Variants in PCDHA7 observed in about 807,000 individuals in gnomAD.
PCDHA7 encodes protocadherin alpha 7, also known as protocadherin alpha-7.
A neutral mutation model predicts 57.2 loss-of-function variants in PCDHA7; 37 were observed. The ratio of observed to expected loss-of-function variants is 0.65; its 90% CI spans 0.50 to 0.85. The LOEUF (loss-of-function observed/expected upper bound fraction) is 0.85. PCDHA7 is among the 40% of genes least tolerant of loss of function. The probability of loss-of-function intolerance (pLI) is 0.00; values close to 1 mark genes in which losing one functional copy is unlikely to be tolerated. For synonymous variants in PCDHA7, 553 were observed against 558.8 expected, an observed-to-expected ratio of 0.99 and a Z score of 0.15; for missense variants, 1,188 against 1,241.8, an observed-to-expected ratio of 0.96 and a Z score of 0.65.
In PCDHA7 at chr5:140,869,649, A is replaced by G. The variant is rs1446407712; in HGVS notation, c.2355+32911A>G. ...AAAATGAGTATTTTTCTTTAGATTC[A>G]CCAACAAATGGTAAGCAGATTAAAA... On this transcript the variant is annotated intron_variant, in intron 1 of 3. Transcript: ENST00000525929. 4.3e-6 allele frequency: 7 copies of G among 1,613,476 alleles called. No individual in the cohort carries two copies. In the African/African-American group the frequency reaches 6.7e-5, roughly 15 times the overall value.
At position 140,836,531 on chromosome 5, in the gene PCDHA7, G is replaced by A; in HGVS notation, c.2148G>A (p.Leu716=). Residue 716 remains leucine (L), a synonymous_variant, in exon 1 of 4, where the codon CTG becomes CTA. Coordinates refer to ENST00000525929, the MANE Select transcript of PCDHA7 (RefSeq NM_018910.3). The part of the protein sequence containing the change: ...AVSSLLVLTL[L]LYTALRCSAP... ...CCAGTCTGTTGGTGCTTACCCTGCT[G>A]CTGTACACGGCGTTGCGGTGCTCAG... 1.2e-6 allele frequency: 2 copies of A among 1,613,844 alleles called. No individual in the cohort carries two copies. The highest frequency in any genetic ancestry group is 2.2e-5 in the South Asian group (2 of 91,078).
chr5:140,891,569 CAT>C (rs59481749), intron 1 of PCDHA7, among the ~76,000 whole-genome samples: 3,590 of 152,218 alleles, frequency 0.024, 138 homozygotes, highest in African/African-American at 0.082. Flanking sequence ...TCTAATTAAA[CAT>C]ATTTTAATCT....
chr5:140,968,744 G>A (rs782484391), intron 1 of PCDHA7: 20 of 1,614,164 alleles, frequency 1.2e-5, no homozygotes, highest in East Asian at 2.2e-5. Context: ...CAACCTGACC[G>A]TGGTGGTCCG....
intron 1 of PCDHA7, chr5:140,927,529 C>A: frequency 6.2e-7 from 1 of 1,614,098 alleles, no homozygotes; most frequent in South Asian, 1.1e-5. Flanking sequence ...GCTACCTGCC[C>A]GCTCAGGAGA....
chr5:140,850,513 G>T lies in PCDHA7; in HGVS notation c.2355+13775G>T, dbSNP rs2150487190. The stretch of plus-strand genomic sequence containing the variant: ...GTGCTGGTGTCGCTGGTGGAGAGCG[G>T]CCAGGCGCCAAAGTCATCGTCGCGG... On this transcript the variant is annotated intron_variant, in intron 1 of 3. Transcript: ENST00000525929. The T allele has an allele frequency of 3.1e-6, 5 of 1,598,108 alleles. No homozygotes were observed. In the East Asian group the frequency reaches 1.1e-4, roughly 36 times the overall value.
intron 1 of PCDHA7, chr5:140,850,349 G>T (rs1554144220): frequency 1.9e-6 from 3 of 1,597,844 alleles, no homozygotes; most frequent in Non-Finnish European, 2.6e-6. Flanking sequence ...CGGCCAGCGC[G>T]AGCATCCCGT....
chr5:140,876,120 T>C (rs782687154), intron 1 of PCDHA7: 15 of 1,613,844 alleles, frequency 9.3e-6, no homozygotes, highest in East Asian at 6.7e-5. Context: ...TGGTAATCGA[T>C]GGCGGTAAAC....
At chr5:140,882,137 A>G in intron 1 of PCDHA7, 1 of 1,489,212 alleles carries the variant, frequency 6.7e-7, no homozygotes. Flanking sequence ...CCTGCAGAAA[A>G]TATAGCAGAA....
chr5:140,850,762 A>T, intron 1 of PCDHA7: 1 of 1,598,020 alleles, frequency 6.3e-7, no homozygotes, highest in South Asian at 1.1e-5. Context: ...CAGAGGAGGC[A>T]GAGGGTGTGC....
chr5:140,967,415 C>T, intron 1 of PCDHA7: 1 of 1,613,142 alleles, frequency 6.2e-7, no homozygotes, highest in African/African-American at 1.3e-5. Flanking sequence ...GGGCCTAGAC[C>T]GGGAGCAGGC....
In PCDHA7 at chr5:141,011,530, T is replaced by C. The variant is rs1427621980; in HGVS notation, c.*1593T>C. 7 of 153,810 alleles carry C rather than the reference T, an allele frequency of 4.6e-5. No individual in the cohort carries two copies. The highest frequency in any genetic ancestry group is 1.7e-4 in the African/African-American group (7 of 41,470). The allele number at this position is 153,810 out of a possible 1,614,324, so 9.5% of individuals were successfully genotyped here. Reference sequence around the variant, plus strand: ...TGGAGTAGTGTTTTTTTAACCATTGTTAATCAGCTTTTGTGTATGAAAGAC... The same window carrying C: ...TGGAGTAGTGTTTTTTTAACCATTGCTAATCAGCTTTTGTGTATGAAAGAC... On this transcript the variant is annotated 3_prime_UTR_variant, in exon 4 of 4. Transcript: ENST00000525929.
chr5:140,966,454 C>A (rs897696652), intron 1 of PCDHA7: 2 of 426,524 alleles, frequency 4.7e-6, no homozygotes, highest in Non-Finnish European at 8.1e-6. Flanking sequence ...TCCCCCTCCC[C>A]CTCTGTCTTC....
chr5:140,860,129 G>GTGTGTATATATATGTATATA (rs1554153065), intron 1 of PCDHA7: 1 of 150,592 alleles, frequency 6.6e-6, no homozygotes, highest in Non-Finnish European at 1.5e-5. Context: ...TACTGTGTGT[G>GTGTGTATATATATGTATATA]TGTGTATATA....
At chr5:140,881,235 T>C (rs2058632833) in intron 1 of PCDHA7, 1 of 352,648 alleles carries the variant, frequency 2.8e-6, no homozygotes, top group South Asian at 1.1e-4. Context: ...TTAAAGTCAA[T>C]TTAAATGACG....
intron 3 of PCDHA7, among the ~76,000 whole-genome samples, chr5:140,990,378 T>G (rs1554251448): frequency 6.6e-6 from 1 of 152,128 alleles, no homozygotes; most frequent in African/African-American, 2.4e-5. Context: ...GCAAATTTGT[T>G]GGTGATGTTC....
intron 1 of PCDHA7, chr5:140,849,308 A>C (rs1224094157): frequency 7.7e-7 from 1 of 1,299,604 alleles, no homozygotes; most frequent in Admixed American, 2.3e-5. Flanking sequence ...ATTTAGACGA[A>C]GGCTTGAATG....
At chr5:140,853,171 G>T (rs2150529478) in intron 1 of PCDHA7, 1 of 965,252 alleles carries the variant, frequency 1.0e-6, no homozygotes, top group Non-Finnish European at 1.3e-6. Flanking sequence ...GAGCCACCGC[G>T]CCTGGCCTAA....
intron 1 of PCDHA7, among the ~76,000 whole-genome samples, chr5:140,978,171 G>C (rs1386184793): frequency 6.6e-6 from 1 of 152,186 alleles, no homozygotes; most frequent in Non-Finnish European, 1.5e-5. Context: ...AGAGTTTGTA[G>C]AGAGAGGGCA....
intron 1 of PCDHA7, chr5:140,876,130 C>T: frequency 6.2e-7 from 1 of 1,613,938 alleles, no homozygotes; most frequent in Non-Finnish European, 8.5e-7. Context: ...TGGCGGTAAA[C>T]CAGAACTAAC....
Sources: allele counts gnomAD v4.1 joint callset (sites outside exome capture counted in the v4.1 genomes callset), GRCh38; gene constraint gnomAD v4.1.1; transcripts MANE v1.5; gene names NCBI Gene and HGNC (gene_info 2026-07-23, HGNC 2026-07-21).